NXPH1: variants seen among roughly 807,000 people sequenced by gnomAD.
NXPH1 encodes the protein neurexophilin 1, also known as neurexophilin-1.
A neutral mutation model predicts 23.7 loss-of-function variants in NXPH1; 5 were observed. The ratio of observed to expected loss-of-function variants is 0.21; its 90% CI spans 0.11 to 0.44. NXPH1 has a LOEUF of 0.44. Ranked by LOEUF, NXPH1 falls within the 20% of genes least tolerant of loss-of-function variation. The pLI is 0.99. For missense variants in NXPH1, 324 were observed against 321.6 expected (o/e 1.01, Z -0.06); for synonymous variants, 144 against 122.2 (o/e 1.18, Z -1.18).
intron 2 of NXPH1, among the ~76,000 whole-genome samples, chr7:8,732,431 T>C (rs529415367): frequency 6.6e-6 from 1 of 152,372 alleles, no homozygotes; most frequent in South Asian, 2.1e-4. Context: ...ATTTGTCTAT[T>C]ACCATTCATA....
chr7:8,506,999 C>A (rs1297681392), intron 2 of NXPH1, among the ~76,000 whole-genome samples: 1 of 149,286 alleles, frequency 6.7e-6, no homozygotes, highest in Non-Finnish European at 1.5e-5. Context: ...CAAGTGCCCA[C>A]CCCGGGAAGA....
intron 2 of NXPH1, among the ~76,000 whole-genome samples, chr7:8,454,038 A>G (rs1816549924): frequency 6.6e-6 from 1 of 152,132 alleles, no homozygotes; most frequent in Non-Finnish European, 1.5e-5. Context: ...GAGCTAAATG[A>G]TGAGAACACA....
chr7:8,613,789 CAT>C (rs144196825), intron 2 of NXPH1, among the ~76,000 whole-genome samples: 8,750 of 151,736 alleles, frequency 0.058, 827 homozygotes, highest in African/African-American at 0.2. Context: ...TAACTAATAA[CAT>C]TGGTAATTTT....
chr7:8,611,633 T>C (rs1312087224), intron 2 of NXPH1, among the ~76,000 whole-genome samples: 1 of 152,112 alleles, frequency 6.6e-6, no homozygotes, highest in Non-Finnish European at 1.5e-5. Context: ...TTTTAAAGCT[T>C]GCTCTGTACA....
intron 2 of NXPH1, among the ~76,000 whole-genome samples, chr7:8,723,504 A>G (rs1244018450): frequency 6.6e-6 from 1 of 152,218 alleles, no homozygotes; most frequent in Non-Finnish European, 1.5e-5. Context: ...TGTCTTAAGT[A>G]AAAATACATT....
At chr7:8,522,809 G>A (rs1031964643) in intron 2 of NXPH1, among the ~76,000 whole-genome samples, 2 of 152,154 alleles carry the variant, frequency 1.3e-5, no homozygotes, top group African/African-American at 4.8e-5. Flanking sequence ...TGTCCTTCTG[G>A]TGGAGACAGT....
intron 2 of NXPH1, among the ~76,000 whole-genome samples, chr7:8,522,071 A>T (rs544309404): frequency 3.3e-5 from 5 of 152,244 alleles, no homozygotes; most frequent in Non-Finnish European, 7.3e-5. Flanking sequence ...ACTCATACAC[A>T]TATAGGTAGT....
chr7:8,554,861 T>C (rs1818331622), intron 2 of NXPH1, among the ~76,000 whole-genome samples: 1 of 151,736 alleles, frequency 6.6e-6, no homozygotes, highest in African/African-American at 2.4e-5. Flanking sequence ...ACCTTAACTT[T>C]TCTAATTCCA....
At chr7:8,683,647 T>A (rs1229261190) in intron 2 of NXPH1, among the ~76,000 whole-genome samples, 1 of 152,214 alleles carries the variant, frequency 6.6e-6, no homozygotes, top group African/African-American at 2.4e-5. Context: ...CCTATTTTTT[T>A]CCTGGCTTTT....
intron 2 of NXPH1, among the ~76,000 whole-genome samples, chr7:8,688,113 T>C (rs1050043007): frequency 3.3e-5 from 5 of 152,154 alleles, no homozygotes; most frequent in Non-Finnish European, 7.4e-5. Context: ...CATGGCATCT[T>C]GGACAAGAGC....
At chr7:8,447,641 C>A (rs1196586398) in intron 2 of NXPH1, among the ~76,000 whole-genome samples, 1 of 152,190 alleles carries the variant, frequency 6.6e-6, no homozygotes, top group Non-Finnish European at 1.5e-5. Context: ...TGGATCTGCA[C>A]CTCTTGAATA....
chr7:8,636,079 T>C (rs1267865226), intron 2 of NXPH1, among the ~76,000 whole-genome samples: 2 of 152,198 alleles, frequency 1.3e-5, no homozygotes, highest in African/African-American at 4.8e-5. Flanking sequence ...CTGCATAGAC[T>C]TTCTTTTTCC....
intron 2 of NXPH1, among the ~76,000 whole-genome samples, chr7:8,682,041 A>T (rs1301179677): frequency 1.3e-5 from 2 of 152,142 alleles, no homozygotes; most frequent in Non-Finnish European, 2.9e-5. Context: ...GTGAAGGGTG[A>T]GCATGCCAGT....
intron 2 of NXPH1, among the ~76,000 whole-genome samples, chr7:8,593,343 C>G (rs373703958): frequency 1.3e-5 from 2 of 151,764 alleles, no homozygotes; most frequent in African/African-American, 4.8e-5. Flanking sequence ...CCTAATTTAG[C>G]TTTTTAAAGC....
intron 2 of NXPH1, among the ~76,000 whole-genome samples, chr7:8,553,180 C>A (rs1280532732): frequency 6.6e-6 from 1 of 151,466 alleles, no homozygotes; most frequent in South Asian, 2.1e-4. Context: ...GCTGGACAAA[C>A]AAATTTATTT....
At chr7:8,740,771 C>T (rs1037219114) in intron 2 of NXPH1, among the ~76,000 whole-genome samples, 2 of 151,532 alleles carry the variant, frequency 1.3e-5, no homozygotes, top group Non-Finnish European at 2.9e-5. Context: ...ATGTAATTGA[C>T]CAATAAAAAT....
intron 2 of NXPH1, among the ~76,000 whole-genome samples, chr7:8,608,715 A>G (rs180997530): frequency 6.6e-6 from 1 of 152,262 alleles, no homozygotes; most frequent in East Asian, 1.9e-4. Flanking sequence ...CTACCCCACC[A>G]AAATACCACC....
intron 2 of NXPH1, among the ~76,000 whole-genome samples, chr7:8,670,593 C>T (rs115040035): frequency 0.019 from 2,926 of 152,294 alleles, 50 homozygotes; most frequent in Middle Eastern, 0.048. Context: ...TGAAATTCAT[C>T]CTCTACTGTT....
At chr7:8,498,793 AAG>A (rs1464680847) in intron 2 of NXPH1, among the ~76,000 whole-genome samples, 7 of 152,054 alleles carry the variant, frequency 4.6e-5, no homozygotes, top group Non-Finnish European at 4.4e-5. Flanking sequence ...AAGTTGTTCT[AAG>A]AGCTTAGTAA....
Sources: gnomAD v4.1 joint callset for allele counts (sites outside exome capture counted in the v4.1 genomes callset) on GRCh38, gnomAD v4.1.1 for gene constraint, MANE v1.5 for transcripts, NCBI Gene and HGNC (gene_info 2026-07-23, HGNC 2026-07-21) for gene names.